The following GALNT17 variants were observed in gnomAD, a reference collection of about 807,000 sequenced individuals.
GALNT17 encodes polypeptide N-acetylgalactosaminyltransferase 17.
A neutral mutation model predicts 63.7 loss-of-function variants in GALNT17; 29 were observed. The ratio of observed to expected loss-of-function variants is 0.46; its 90% CI spans 0.34 to 0.62. GALNT17 has a LOEUF of 0.62. Among genes scored for constraint, GALNT17 ranks in the 20% least tolerant of loss-of-function variants. The probability of loss-of-function intolerance (pLI) is 0.01; values close to 1 mark genes in which losing one functional copy is unlikely to be tolerated. For missense variants in GALNT17, 603 were observed against 799.6 expected (o/e 0.75, Z 2.97); for synonymous variants, 305 against 318.3 (o/e 0.96, Z 0.45).
At chr7:71,696,883 G>T (rs544568407) in intron 9 of GALNT17, among the ~76,000 whole-genome samples, 3 of 152,206 alleles carry the variant, frequency 2.0e-5, no homozygotes, top group East Asian at 1.9e-4. Flanking sequence ...ATAAAAATGG[G>T]TATAATGCTG....
At chr7:71,509,807 G>A (rs770663299) in intron 5 of GALNT17, among the ~76,000 whole-genome samples, 3 of 152,260 alleles carry the variant, frequency 2.0e-5, no homozygotes, top group South Asian at 4.1e-4. Context: ...TCAACCTGCC[G>A]GAGATCCCCA....
chr7:71,661,238 G>A (rs1223287167), intron 6 of GALNT17, among the ~76,000 whole-genome samples: 2 of 152,166 alleles, frequency 1.3e-5, no homozygotes, highest in East Asian at 1.9e-4. Context: ...TGCTGCTGTC[G>A]CATGTGGTCG....
intron 1 of GALNT17, among the ~76,000 whole-genome samples, chr7:71,151,192 C>T (rs1273317385): frequency 2.0e-5 from 3 of 152,174 alleles, no homozygotes; most frequent in Non-Finnish European, 4.4e-5. Context: ...GTCTACTCTC[C>T]TTTTCTGCCC....
At chr7:71,618,421 A>G (rs1334692008) in intron 6 of GALNT17, among the ~76,000 whole-genome samples, 1 of 152,166 alleles carries the variant, frequency 6.6e-6, no homozygotes, top group Admixed American at 6.5e-5. Flanking sequence ...ACTAATTTAC[A>G]TTCCTTCCAA....
At position 71,570,919 on chromosome 7, in the gene GALNT17, G is replaced by A. The variant is rs554563106; in HGVS notation, c.963-366G>A. Among the ~76,000 whole-genome samples the A allele has an allele frequency of 2.0e-5, 3 of 152,148 alleles. No homozygotes were observed. In the East Asian group the frequency reaches 5.8e-4, roughly 29 times the overall value. ...CTTGAACCTGGGAGGTGGAGGTTGCGGTGAGCCAAGATTGTATCATTGCAC... is the reference window on the plus strand; with the variant it reads ...CTTGAACCTGGGAGGTGGAGGTTGCAGTGAGCCAAGATTGTATCATTGCAC... On this transcript the variant is annotated intron_variant, in intron 5 of 10. Coordinates refer to ENST00000333538, the MANE Select transcript of GALNT17 (RefSeq NM_022479.3).
intron 6 of GALNT17, among the ~76,000 whole-genome samples, chr7:71,585,617 A>G (rs1403386121): frequency 2.6e-5 from 4 of 152,022 alleles, no homozygotes; most frequent in African/African-American, 4.8e-5. Flanking sequence ...CCTCAATAAT[A>G]TGGACTCAAG....
intron 1 of GALNT17, among the ~76,000 whole-genome samples, chr7:71,221,419 C>G: frequency 7.7e-6 from 1 of 129,304 alleles, no homozygotes; most frequent in Non-Finnish European, 1.6e-5. Flanking sequence ...AACCCTACAA[C>G]TTGTTCCTCA....
intron 9 of GALNT17, among the ~76,000 whole-genome samples, chr7:71,695,782 G>A (rs10282695): frequency 0.13 from 20,425 of 152,140 alleles, 1,583 homozygotes; most frequent in African/African-American, 0.2. Flanking sequence ...ATCCTCTGTA[G>A]ATGTCTACAG....
intron 5 of GALNT17, among the ~76,000 whole-genome samples, chr7:71,521,092 T>A (rs1788522670): frequency 6.6e-6 from 1 of 152,240 alleles, no homozygotes; most frequent in Non-Finnish European, 1.5e-5. Flanking sequence ...TCTGGATGTG[T>A]GTGCCATGTA....
intron 1 of GALNT17, among the ~76,000 whole-genome samples, chr7:71,253,123 A>C (rs530392246): frequency 1.3e-5 from 2 of 152,314 alleles, no homozygotes; most frequent in South Asian, 4.1e-4. Flanking sequence ...GCCTCAAATG[A>C]ATGCAACCAC....
intron 1 of GALNT17, among the ~76,000 whole-genome samples, chr7:71,137,872 GCA>G (rs2116152919): frequency 6.6e-6 from 1 of 152,266 alleles, no homozygotes; most frequent in Admixed American, 6.5e-5. Context: ...GCCAACACTT[GCA>G]CAGTCAAAAA....
At chr7:71,393,559 T>C (rs1251605415) in intron 3 of GALNT17, among the ~76,000 whole-genome samples, 2 of 152,074 alleles carry the variant, frequency 1.3e-5, no homozygotes, top group Admixed American at 1.3e-4. Flanking sequence ...CCCCCCTTTT[T>C]TTTTTATTAA....
chr7:71,140,336 A>G (rs1787863406), intron 1 of GALNT17, among the ~76,000 whole-genome samples: 1 of 152,156 alleles, frequency 6.6e-6, no homozygotes, highest in African/African-American at 2.4e-5. Context: ...GTGCTGGAGG[A>G]CACCCACTCC....
chr7:71,538,477 A>G (rs4719141), intron 5 of GALNT17, among the ~76,000 whole-genome samples: 59,179 of 152,136 alleles, frequency 0.39, 12,234 homozygotes, highest in African/African-American at 0.53. Context: ...GCGACAGATT[A>G]CAGAGCAAAG....
intron 5 of GALNT17, among the ~76,000 whole-genome samples, chr7:71,505,907 G>C (rs1788257726): frequency 6.6e-6 from 1 of 152,158 alleles, no homozygotes; most frequent in South Asian, 2.1e-4. Context: ...ATTTCTCTTA[G>C]CTCCATAATA....
chr7:71,671,444 A>C (rs1791068107), intron 8 of GALNT17, among the ~76,000 whole-genome samples: 1 of 152,202 alleles, frequency 6.6e-6, no homozygotes, highest in Admixed American at 6.5e-5. Flanking sequence ...CCTTTTATAG[A>C]AAATAAATCA....
chr7:71,496,175 G>T (rs1214899701), intron 5 of GALNT17, among the ~76,000 whole-genome samples: 1 of 152,088 alleles, frequency 6.6e-6, no homozygotes, highest in African/African-American at 2.4e-5. Context: ...AGTTGCACAG[G>T]GAAGAGGACT....
At chr7:71,346,131 A>G (rs1792091638) in intron 2 of GALNT17, among the ~76,000 whole-genome samples, 2 of 151,856 alleles carry the variant, frequency 1.3e-5, no homozygotes, top group Middle Eastern at 3.4e-3. Flanking sequence ...GTCCAAGGCT[A>G]CAGGGAGCTA....
chr7:71,341,685 A>G (rs748590200), intron 2 of GALNT17, among the ~76,000 whole-genome samples: 19 of 152,238 alleles, frequency 1.2e-4, no homozygotes, highest in Non-Finnish European at 2.1e-4. Context: ...AGTCATCTAT[A>G]GAATACTTTG....
Sources: gnomAD v4.1 joint callset for allele counts (sites outside exome capture counted in the v4.1 genomes callset) on GRCh38, gnomAD v4.1.1 for gene constraint, MANE v1.5 for transcripts, NCBI Gene and HGNC (gene_info 2026-07-23, HGNC 2026-07-21) for gene names.